Variants in LHFPL3 observed in about 807,000 individuals in gnomAD.
The protein encoded by LHFPL3 is LHFPL tetraspan subfamily member 3 protein.
A neutral mutation model predicts 19.3 loss-of-function variants in LHFPL3; 5 were observed. The ratio of observed to expected loss-of-function variants is 0.26; its 90% confidence interval spans 0.14 to 0.54. The LOEUF (loss-of-function observed/expected upper bound fraction) is 0.54, where lower values mean the gene tolerates loss of function less well. Among genes scored for constraint, LHFPL3 ranks in the 20% least tolerant of loss-of-function variants. The pLI, the probability that LHFPL3 is intolerant of heterozygous loss-of-function variation, is 0.94. For missense variants in LHFPL3, 249 were observed against 307.4 expected, an observed-to-expected ratio of 0.81 and a Z score of 1.42; for synonymous variants, 133 against 126.2, an observed-to-expected ratio of 1.05 and a Z score of -0.36.
rs540980624 is a variant in LHFPL3, at chr7:104,388,448, AG to A, written c.445+59225del. ...CCAGAAATTGTTAAGTCCAGAAGGC[AG>A]TGGAATGGCGTATTCAAAGTGCTGA... On this transcript the variant is annotated intron_variant, in intron 1 of 2. Transcript: ENST00000424859. Among the ~76,000 whole-genome samples the A allele has an allele frequency of 2.6e-3, 394 of 152,236 alleles. 2 individuals are homozygous for A. Among genetic ancestry groups the A allele is most frequent in the African/African-American group, 8.5e-3 (351 of 41,502 alleles).
rs1444387151 is a variant in LHFPL3, at chr7:104,741,556, G to C, written c.682+4645G>C. On this transcript the variant is annotated intron_variant, in intron 2 of 2. Transcript: ENST00000424859. ...CTTAATTTTTTTTTTTTTTCTTAGA[G>C]ACAGAGTCTCACTCTGTTGCCCAGG... Among the ~76,000 whole-genome samples the C allele has an allele frequency of 2.8e-5, 4 of 143,620 alleles. No homozygotes were observed. The South Asian group carries it at 6.6e-4, about 24-fold the overall frequency. 94.2% of individuals were successfully genotyped at this position (143,620 alleles called of 152,430 possible). A position where few individuals can be genotyped will look rare whatever the true frequency, so the allele number is the denominator to read the frequency against.
chr7:104,695,935 G>GT (rs752694746), intron 1 of LHFPL3, among the ~76,000 whole-genome samples: 2 of 152,044 alleles, frequency 1.3e-5, no homozygotes, highest in East Asian at 1.9e-4. Context: ...CTGAGTTGTT[G>GT]TTTTTTTGTT....
At chr7:104,686,240 A>G (rs1212065363) in intron 1 of LHFPL3, among the ~76,000 whole-genome samples, 2 of 152,292 alleles carry the variant, frequency 1.3e-5, no homozygotes, top group Admixed American at 6.5e-5. Flanking sequence ...ATCACCAGCT[A>G]AAGAAACAGC....
At chr7:104,498,037 T>C (rs753651862) in intron 1 of LHFPL3, among the ~76,000 whole-genome samples, 2 of 138,876 alleles carry the variant, frequency 1.4e-5, no homozygotes, top group Non-Finnish European at 3.1e-5. Context: ...CAAGCATAGC[T>C]GCCCAAGGCC....
intron 1 of LHFPL3, among the ~76,000 whole-genome samples, chr7:104,557,030 T>A (rs941502535): frequency 3.3e-5 from 5 of 152,210 alleles, no homozygotes; most frequent in Non-Finnish European, 7.3e-5. Flanking sequence ...AGCCTGAATG[T>A]CATTGTCCAT....
intron 1 of LHFPL3, among the ~76,000 whole-genome samples, chr7:104,369,109 A>G (rs540685485): frequency 3.3e-5 from 5 of 152,262 alleles, no homozygotes; most frequent in South Asian, 4.1e-4. Flanking sequence ...GTACAATTCA[A>G]TGAGTTTTAG....
chr7:104,517,648 A>G (rs2115793852), intron 1 of LHFPL3, among the ~76,000 whole-genome samples: 1 of 151,862 alleles, frequency 6.6e-6, no homozygotes, highest in African/African-American at 2.4e-5. Context: ...TTGGGCTTAC[A>G]GGCGCCCACC....
chr7:104,889,409 G>A (rs545937994), intron 2 of LHFPL3, among the ~76,000 whole-genome samples: 1 of 152,310 alleles, frequency 6.6e-6, no homozygotes, highest in Non-Finnish European at 1.5e-5. Flanking sequence ...GGAGGCCGAG[G>A]CAGGTGGATC....
At chr7:104,741,868 G>A (rs1793943431) in intron 2 of LHFPL3, among the ~76,000 whole-genome samples, 2 of 152,140 alleles carry the variant, frequency 1.3e-5, no homozygotes, top group Admixed American at 1.3e-4. Context: ...ATAGGAGCTG[G>A]CACATGCAAG....
chr7:104,896,421 T>C (rs1002383802), intron 2 of LHFPL3, among the ~76,000 whole-genome samples: 1 of 152,166 alleles, frequency 6.6e-6, no homozygotes, highest in Non-Finnish European at 1.5e-5. Flanking sequence ...AAGTGGCCCT[T>C]GCACTTGAGG....
At chr7:104,495,598 T>C (rs1405123320) in intron 1 of LHFPL3, among the ~76,000 whole-genome samples, 2 of 152,190 alleles carry the variant, frequency 1.3e-5, no homozygotes, top group Non-Finnish European at 2.9e-5. Flanking sequence ...TTAGCCAGGA[T>C]GGTCTCCATC....
chr7:104,627,352 A>G (rs979890857), intron 1 of LHFPL3, among the ~76,000 whole-genome samples: 1 of 152,142 alleles, frequency 6.6e-6, no homozygotes, highest in African/African-American at 2.4e-5. Context: ...TATATACCAC[A>G]TATTCTTTCT....
chr7:104,875,001 C>T (rs953395828), intron 2 of LHFPL3, among the ~76,000 whole-genome samples: 2 of 151,134 alleles, frequency 1.3e-5, no homozygotes, highest in African/African-American at 4.9e-5. Context: ...TGTACACTGC[C>T]ACACCTGGGG....
At chr7:104,377,278 A>C (rs890925965) in intron 1 of LHFPL3, among the ~76,000 whole-genome samples, 1 of 152,230 alleles carries the variant, frequency 6.6e-6, no homozygotes, top group African/African-American at 2.4e-5. Flanking sequence ...GAAATGCATC[A>C]TGGTGCTATA....
chr7:104,508,894 A>C (rs1170962766), intron 1 of LHFPL3, among the ~76,000 whole-genome samples: 1 of 152,080 alleles, frequency 6.6e-6, no homozygotes, highest in Non-Finnish European at 1.5e-5. Flanking sequence ...GAGGAGAAAC[A>C]AATCAATATC....
At chr7:104,810,613 T>C (rs907348480) in intron 2 of LHFPL3, among the ~76,000 whole-genome samples, 1 of 152,168 alleles carries the variant, frequency 6.6e-6, no homozygotes, top group African/African-American at 2.4e-5. Flanking sequence ...CATGTGTTTC[T>C]TTGGGGTAGG....
chr7:104,366,573 C>A (rs1205517966), intron 1 of LHFPL3, among the ~76,000 whole-genome samples: 1 of 152,182 alleles, frequency 6.6e-6, no homozygotes, highest in Non-Finnish European at 1.5e-5. Context: ...TTGCCAAGCA[C>A]CCCGTCAAGG....
chr7:104,667,403 G>T (rs1792377491), intron 1 of LHFPL3, among the ~76,000 whole-genome samples: 1 of 152,112 alleles, frequency 6.6e-6, no homozygotes, highest in South Asian at 2.1e-4. Context: ...CACATGCCAT[G>T]GGCCATTGCT....
At chr7:104,582,188 T>G (rs1562940988) in intron 1 of LHFPL3, among the ~76,000 whole-genome samples, 1 of 151,902 alleles carries the variant, frequency 6.6e-6, no homozygotes, top group Non-Finnish European at 1.5e-5. Context: ...ATTTATTCCT[T>G]TTTTCAAGTT....
Sources: gnomAD v4.1 joint callset for allele counts (sites outside exome capture counted in the v4.1 genomes callset) on GRCh38, gnomAD v4.1.1 for gene constraint, MANE v1.5 for transcripts, NCBI Gene and HGNC (gene_info 2026-07-23, HGNC 2026-07-21) for gene names.